CDH4: variants seen among roughly 807,000 people sequenced by gnomAD.
The protein encoded by CDH4 is cadherin-4.
In CDH4, 33 loss-of-function variants were observed where a neutral mutation model predicts 86.0. The ratio of observed to expected loss-of-function variants is 0.38; its 90% CI spans 0.29 to 0.51. The LOEUF (loss-of-function observed/expected upper bound fraction) is 0.51, where lower values mean the gene tolerates loss of function less well. Ranked by LOEUF, CDH4 falls within the 20% of genes least tolerant of loss-of-function variation. The probability of loss-of-function intolerance (pLI) is 0.86; values close to 1 mark genes in which losing one functional copy is unlikely to be tolerated. For missense variants in CDH4, 1,114 were observed against 1,307.4 expected, an observed-to-expected ratio of 0.85 and a Z score of 2.28; for synonymous variants, 555 against 549.4, an observed-to-expected ratio of 1.01 and a Z score of -0.14.
intron 2 of CDH4, among the ~76,000 whole-genome samples, chr20:61,477,146 C>T (rs985341175): frequency 1.3e-5 from 2 of 152,192 alleles, no homozygotes; most frequent in East Asian, 1.9e-4. Context: ...TGCCTCCCCA[C>T]GCCTCTGCCT....
rs548825038 is a variant in CDH4, at chr20:61,427,900, GAGA to G, written c.169+172966_169+172968del. On this transcript the variant is annotated intron_variant, in intron 2 of 15. Transcript: ENST00000614565. ...GTATTAGATAGGACAGAGGCGGGGA[GAGA>G]AGGAGGAAGGCAGGAGAAAGAGAGG... Among the ~76,000 whole-genome samples, 607 of 151,962 alleles carry G rather than the reference GAGA, an allele frequency of 4.0e-3. 5 individuals are homozygous for G. The highest frequency in any genetic ancestry group is 0.014 in the African/African-American group (578 of 41,428).
At chr20:61,332,271 T>G (rs1479626638) in intron 2 of CDH4, among the ~76,000 whole-genome samples, 1 of 152,160 alleles carries the variant, frequency 6.6e-6, no homozygotes, top group African/African-American at 2.4e-5. Flanking sequence ...CGGGTTTCCT[T>G]CTGGGTGTCA....
chr20:61,857,292 T>C (rs1272610749), intron 6 of CDH4, among the ~76,000 whole-genome samples: 1 of 152,238 alleles, frequency 6.6e-6, no homozygotes, highest in African/African-American at 2.4e-5. Context: ...CACCGAGGCC[T>C]TCGGCCCGGG....
At position 61,686,286 on chromosome 20, in the gene CDH4, G is replaced by T. The variant is rs546521538; in HGVS notation, c.170-57277G>T. Among the ~76,000 whole-genome samples, 35 of 152,364 alleles carry T rather than the reference G, an allele frequency of 2.3e-4. 3 individuals carry two copies. In the South Asian group the frequency reaches 6.6e-3, roughly 29 times the overall value. On this transcript the variant is annotated intron_variant, in intron 2 of 15. Transcript: ENST00000614565. The stretch of plus-strand genomic sequence containing the variant: ...GTCTCCACATCTGCGTGGCTGGGAG[G>T]CCTGCCTGTGAGTGCCAGTAATGGA...
intron 2 of CDH4, among the ~76,000 whole-genome samples, chr20:61,383,856 TATATATGCGTATATATGAAG>T (rs1269258766): frequency 0.22 from 30,979 of 141,212 alleles, 4,309 homozygotes; most frequent in African/African-American, 0.3. Flanking sequence ...TATATGAAGA[TATATATGCGTATATATGAAG>T]ATATATGAAT....
At chr20:61,841,048 T>C (rs1180771067) in intron 4 of CDH4, among the ~76,000 whole-genome samples, 1 of 152,224 alleles carries the variant, frequency 6.6e-6, no homozygotes, top group Non-Finnish European at 1.5e-5. Context: ...AAACTAGCAA[T>C]AGCGCACAGT....
At chr20:61,474,327 A>ATTT (rs1170158714) in intron 2 of CDH4, among the ~76,000 whole-genome samples, 7 of 124,376 alleles carry the variant, frequency 5.6e-5, no homozygotes, top group African/African-American at 1.8e-4. Context: ...CACCCAGCTA[A>ATTT]TTTTTTTTTT....
chr20:61,862,172 GC>G (rs1472606577), intron 6 of CDH4, among the ~76,000 whole-genome samples: 2 of 152,112 alleles, frequency 1.3e-5, no homozygotes, highest in East Asian at 3.9e-4. Context: ...CCCCCTCCAT[GC>G]CCTGGGCGAC....
At chr20:61,645,119 C>T (rs2087048628) in intron 2 of CDH4, among the ~76,000 whole-genome samples, 1 of 152,244 alleles carries the variant, frequency 6.6e-6, no homozygotes, top group Non-Finnish European at 1.5e-5. Context: ...AATTCAAGCA[C>T]ACTCAAGTTA....
At chr20:61,437,020 T>A (rs963989672) in intron 2 of CDH4, 1 of 152,318 alleles carries the variant, frequency 6.6e-6, no homozygotes, top group African/African-American at 2.4e-5. Flanking sequence ...GCGCAGGGCC[T>A]GGGACATGGT....
At chr20:61,616,547 C>T (rs1343603036) in intron 2 of CDH4, among the ~76,000 whole-genome samples, 1 of 152,206 alleles carries the variant, frequency 6.6e-6, no homozygotes, top group East Asian at 1.9e-4. Flanking sequence ...AGAACTCTCT[C>T]CTGCTCCAGG....
intron 4 of CDH4, among the ~76,000 whole-genome samples, chr20:61,824,770 C>T (rs531954976): frequency 3.3e-4 from 50 of 152,222 alleles, no homozygotes; most frequent in African/African-American, 1.1e-3. Flanking sequence ...GCCTTTTATC[C>T]GCTTAGTCTG....
At chr20:61,887,498 C>T (rs1208532536) in intron 7 of CDH4, among the ~76,000 whole-genome samples, 10 of 152,032 alleles carry the variant, frequency 6.6e-5, no homozygotes, top group African/African-American at 1.7e-4. Flanking sequence ...CATGCACACT[C>T]GTGCACAAGC....
chr20:61,865,923 C>T (rs1983529492), intron 6 of CDH4, among the ~76,000 whole-genome samples: 1 of 152,156 alleles, frequency 6.6e-6, no homozygotes, highest in Non-Finnish European at 1.5e-5. Context: ...TCCTGGGCTG[C>T]TTACTGCAGG....
chr20:61,695,294 C>T lies in CDH4; in HGVS notation c.170-48269C>T, dbSNP rs1330787743. ...CAGTTGCCCGCAGAGGCGTCCTGCC[C>T]GGGAGGCATGAACCAGCTTCATTTC... is the stretch of plus-strand genomic sequence containing the variant. On this transcript the variant is annotated intron_variant, in intron 2 of 15. Transcript: ENST00000614565. 5.9e-5 allele frequency among the ~76,000 whole-genome samples: 9 copies of T among 152,354 alleles called. No individual in the cohort carries two copies. The East Asian group carries it at 1.2e-3, about 20-fold the overall frequency.
At chr20:61,608,574 A>G (rs186326795) in intron 2 of CDH4, among the ~76,000 whole-genome samples, 6 of 152,246 alleles carry the variant, frequency 3.9e-5, no homozygotes, top group Admixed American at 6.5e-5. Context: ...GATCCTCTCA[A>G]TTTTGCTTTA....
At chr20:61,704,509 G>A (rs1055394203) in intron 2 of CDH4, among the ~76,000 whole-genome samples, 19 of 152,212 alleles carry the variant, frequency 1.2e-4, no homozygotes, top group African/African-American at 3.9e-4. Context: ...AGAGGAGAGC[G>A]GCTGGCCCTG....
At chr20:61,495,933 G>T (rs779461490) in intron 2 of CDH4, among the ~76,000 whole-genome samples, 7 of 148,274 alleles carry the variant, frequency 4.7e-5, no homozygotes, top group Admixed American at 2.7e-4. Flanking sequence ...AGAGTCTAGT[G>T]CAGCAAGCCA....
chr20:61,321,333 G>A (rs1048258626), intron 2 of CDH4, among the ~76,000 whole-genome samples: 1 of 152,160 alleles, frequency 6.6e-6, no homozygotes, highest in African/African-American at 2.4e-5. Flanking sequence ...GGCAGGTTCT[G>A]CTAATTCCAG....
Sources: gnomAD v4.1 joint callset for allele counts (sites outside exome capture counted in the v4.1 genomes callset) on GRCh38, gnomAD v4.1.1 for gene constraint, MANE v1.5 for transcripts, NCBI Gene and HGNC (gene_info 2026-07-23, HGNC 2026-07-21) for gene names.